The following GPR39 variants were observed in gnomAD, a reference collection of about 807,000 sequenced individuals.
GPR39 encodes zinc sensing receptor.
Under a neutral mutation model 18.4 loss-of-function variants are expected in GPR39, and 23 were observed. The ratio of observed to expected loss-of-function variants is 1.25; its 90% CI spans 0.90 to 1.77. The LOEUF (loss-of-function observed/expected upper bound fraction) is 1.77, where lower values mean the gene tolerates loss of function less well. GPR39 is among the 40% of genes most tolerant of loss of function. GPR39 has a pLI of 0.00. For synonymous variants in GPR39, 280 were observed against 257.9 expected (o/e 1.09, Z -0.82); for missense variants, 647 against 602.4 (o/e 1.07, Z -0.78).
chr2:132,509,089 A>G, intron 1 of GPR39, among the ~76,000 whole-genome samples: 1 of 152,156 alleles, frequency 6.6e-6, no homozygotes, highest in Non-Finnish European at 1.5e-5. Flanking sequence ...GAAACCAGAG[A>G]AAAGTGTTTC....
At chr2:132,620,177 C>T (rs1410188790) in intron 1 of GPR39, among the ~76,000 whole-genome samples, 1 of 152,128 alleles carries the variant, frequency 6.6e-6, no homozygotes, top group African/African-American at 2.4e-5. Context: ...TAAGCAACTC[C>T]CCAGGAGAAT....
chr2:132,593,187 A>T (rs1330880962), intron 1 of GPR39, among the ~76,000 whole-genome samples: 1 of 152,176 alleles, frequency 6.6e-6, no homozygotes, highest in Non-Finnish European at 1.5e-5. Context: ...GGGTCGTGGC[A>T]ACTGGGGAAG....
intron 1 of GPR39, among the ~76,000 whole-genome samples, chr2:132,550,178 C>A (rs892042947): frequency 6.6e-6 from 1 of 152,132 alleles, no homozygotes; most frequent in African/African-American, 2.4e-5. Context: ...AGAGAGCCAT[C>A]TATTGTAGAT....
intron 1 of GPR39, among the ~76,000 whole-genome samples, chr2:132,444,036 C>T (rs1680484543): frequency 6.6e-6 from 1 of 152,250 alleles, no homozygotes; most frequent in South Asian, 2.1e-4. Flanking sequence ...GATTGCCCCA[C>T]TGCACTCCAG....
chr2:132,522,774 T>G (rs1024733528), intron 1 of GPR39, among the ~76,000 whole-genome samples: 15 of 152,340 alleles, frequency 9.8e-5, no homozygotes, highest in African/African-American at 3.4e-4. Context: ...CAGAGCCTCC[T>G]TCCCTCTCTC....
At chr2:132,513,371 G>C (rs1679274117) in intron 1 of GPR39, among the ~76,000 whole-genome samples, 1 of 152,080 alleles carries the variant, frequency 6.6e-6, no homozygotes, top group East Asian at 1.9e-4. Flanking sequence ...GCTGAAGCGG[G>C]AGGATGGCGT....
chr2:132,536,091 A>G (rs1213312230), intron 1 of GPR39, among the ~76,000 whole-genome samples: 1 of 148,314 alleles, frequency 6.7e-6, no homozygotes, highest in East Asian at 2.0e-4. Context: ...GTCTGATCTT[A>G]GTTATTTCTT....
intron 1 of GPR39, among the ~76,000 whole-genome samples, chr2:132,492,933 TATATACACACC>T (rs1681525543): frequency 7.0e-6 from 1 of 143,346 alleles, no homozygotes; most frequent in South Asian, 2.3e-4. Context: ...ATATACACCA[TATATACACACC>T]ATATATACAC....
chr2:132,646,208 CAGA>C lies in GPR39; in HGVS notation c.*605_*607del, dbSNP rs1349478309. ...AACTGAGTTCAGTTTCCCTGGGGAGCAGAAGGACTGGTACCCGGCAGAGGCGAT... is the reference window on the plus strand; with the variant it reads ...AACTGAGTTCAGTTTCCCTGGGGAGCAGGACTGGTACCCGGCAGAGGCGAT... On this transcript the variant is annotated 3_prime_UTR_variant, in exon 2 of 2. Transcript: ENST00000329321. 3.1e-6 allele frequency: 5 copies of C among 1,605,578 alleles called. No individual in the cohort carries two copies. The highest frequency in any genetic ancestry group is 2.2e-5 in the East Asian group (1 of 44,516).
At chr2:132,594,300 G>T (rs1680898669) in intron 1 of GPR39, among the ~76,000 whole-genome samples, 1 of 152,026 alleles carries the variant, frequency 6.6e-6, no homozygotes, top group African/African-American at 2.4e-5. Flanking sequence ...CGCTTTCCTG[G>T]GTCTTTTTTG....
intron 1 of GPR39, among the ~76,000 whole-genome samples, chr2:132,546,670 G>A (rs939894869): frequency 6.6e-6 from 1 of 151,410 alleles, no homozygotes; most frequent in Admixed American, 6.6e-5. Flanking sequence ...CATTCTAGGA[G>A]TCTGCCTATA....
intron 1 of GPR39, among the ~76,000 whole-genome samples, chr2:132,519,660 G>A (rs777513181): frequency 7.2e-5 from 11 of 152,104 alleles, no homozygotes; most frequent in Non-Finnish European, 1.3e-4. Context: ...AGGGGCATGG[G>A]GGAGTACATG....
At chr2:132,527,190 G>A (rs1342509576) in intron 1 of GPR39, among the ~76,000 whole-genome samples, 2 of 152,138 alleles carry the variant, frequency 1.3e-5, no homozygotes, top group East Asian at 1.9e-4. Flanking sequence ...AACGTGCTAT[G>A]TTTGGTTTTC....
rs537159007 is a variant in GPR39, at chr2:132,577,477, TGAG to T, written c.857-67620_857-67618del. On this transcript the variant is annotated intron_variant, in intron 1 of 1. Transcript: ENST00000329321. ...ATTGTATTAAATCTGTATATCAATT[TGAG>T]GAGAATTGACAGCTGTACTATATTG... is the stretch of plus-strand genomic sequence containing the variant. Among the ~76,000 whole-genome samples the T allele has an allele frequency of 8.0e-4, 122 of 152,210 alleles. 2 individuals are homozygous for T. Among genetic ancestry groups the T allele is most frequent in the African/African-American group, 2.8e-3 (116 of 41,442 alleles).
chr2:132,552,244 C>G (rs374589637), intron 1 of GPR39, among the ~76,000 whole-genome samples: 1 of 151,882 alleles, frequency 6.6e-6, no homozygotes, highest in African/African-American at 2.4e-5. Context: ...ATTGTAATCC[C>G]CAGTGTTAGA....
intron 1 of GPR39, among the ~76,000 whole-genome samples, chr2:132,565,155 A>G (rs943321776): frequency 3.9e-5 from 6 of 151,930 alleles, no homozygotes; most frequent in Non-Finnish European, 7.4e-5. Flanking sequence ...ACCCACAGAG[A>G]TTCTGATTTA....
At chr2:132,434,060 A>C (rs1282804221) in intron 1 of GPR39, among the ~76,000 whole-genome samples, 1 of 152,048 alleles carries the variant, frequency 6.6e-6, no homozygotes, top group Non-Finnish European at 1.5e-5. Context: ...GAGGCAGCAG[A>C]TGAGTTCCTG....
chr2:132,510,041 C>G (rs1679211844), intron 1 of GPR39, among the ~76,000 whole-genome samples: 1 of 152,218 alleles, frequency 6.6e-6, no homozygotes, highest in Admixed American at 6.5e-5. Flanking sequence ...CCATATATCT[C>G]TAACTATGAC....
At chr2:132,643,371 A>G (rs1431343257) in intron 1 of GPR39, among the ~76,000 whole-genome samples, 1 of 152,230 alleles carries the variant, frequency 6.6e-6, no homozygotes, top group African/African-American at 2.4e-5. Flanking sequence ...AAGAGTTTCC[A>G]AGGCCTTCCT....
Sources: gnomAD v4.1 joint callset for allele counts (sites outside exome capture counted in the v4.1 genomes callset) on GRCh38, gnomAD v4.1.1 for gene constraint, MANE v1.5 for transcripts, NCBI Gene and HGNC (gene_info 2026-07-23, HGNC 2026-07-21) for gene names.